Variants in TRIM37 observed in about 807,000 individuals in gnomAD.
The protein encoded by TRIM37 is tripartite motif containing 37, also known as E3 ubiquitin-protein ligase TRIM37.
A neutral mutation model predicts 129.8 loss-of-function variants in TRIM37; 80 were observed. The observed-to-expected ratio is 0.62, with a 90% CI of 0.51 to 0.74. The LOEUF is 0.74. Ranked by LOEUF, TRIM37 falls within the 30% of genes least tolerant of loss-of-function variation. The pLI is 0.00. For synonymous variants in TRIM37, 389 were observed against 387.1 expected, an observed-to-expected ratio of 1.00 and a Z score of -0.06; for missense variants, 1,054 against 1,176.5, an observed-to-expected ratio of 0.90 and a Z score of 1.52.
At chr17:59,102,763 T>C (rs1481429088) in intron 2 of TRIM37, among the ~76,000 whole-genome samples, 1 of 152,224 alleles carries the variant, frequency 6.6e-6, no homozygotes, top group Non-Finnish European at 1.5e-5. Context: ...TGGGTTCAAA[T>C]CCAGTACCAT....
chr17:58,993,634 AG>A (rs1423689276), downstream of TRIM37, among the ~76,000 whole-genome samples: 4 of 152,170 alleles, frequency 2.6e-5, no homozygotes, highest in Non-Finnish European at 4.4e-5. Context: ...GCTGTGGGGA[AG>A]GGGGGTGGTT....
Position 59,081,159 on chromosome 17 carries a change from T to C in TRIM37, c.430A>G (p.Asn144Asp). The C allele has an allele frequency of 6.2e-7, 1 of 1,614,018 alleles. No homozygotes were observed. The highest frequency in any genetic ancestry group is 8.5e-7 in the Non-Finnish European group (1 of 1,179,924). The change falls in exon 6 of 24, where the codon AAT becomes GAT. Residue 144 changes from asparagine (N) to aspartate (D), a missense_variant. By Grantham distance (23) the Asn-to-Asp change is conservative. Coordinates refer to ENST00000262294, the MANE Select transcript of TRIM37 (RefSeq NM_015294.6). Reference protein sequence around the residue: ...EIYEQHVTKVNEEVAKLRRRL... With the variant: ...EIYEQHVTKVDEEVAKLRRRL... ...CGACGAAGTTTGGCTACCTCTTCAT[T>C]CACTTTAGTGACGTGTTGCTCATAA...
intron 21 of TRIM37, among the ~76,000 whole-genome samples, chr17:59,015,176 G>C (rs1485580246): frequency 1.3e-5 from 2 of 151,722 alleles, no homozygotes; most frequent in East Asian, 3.9e-4. Flanking sequence ...AGTGGCTCAC[G>C]CCTGTAATCC....
At chr17:59,017,227 C>G (rs562665977) in intron 20 of TRIM37, 69 bp downstream of exon 20, 47 of 1,580,808 alleles carry the variant, frequency 3.0e-5, no homozygotes, top group Non-Finnish European at 3.8e-5. Context: ...TAAAGCTCCA[C>G]GATAACATCA....
At chr17:59,027,761 T>C (rs2037400635) in intron 19 of TRIM37, among the ~76,000 whole-genome samples, 1 of 152,214 alleles carries the variant, frequency 6.6e-6, no homozygotes, top group South Asian at 2.1e-4. Flanking sequence ...CGAACTCCTT[T>C]TTGAGGTTTT....
chr17:58,980,534 A>C, downstream of TRIM37: 8 of 1,614,146 alleles, frequency 5.0e-6, no homozygotes, highest in Non-Finnish European at 6.8e-6. The surrounding 1 kb of genome is among the most constrained non-coding windows in gnomAD (Gnocchi z 4.7). Flanking sequence ...ACCAGTTGAG[A>C]TGTTTGGTCC....
chr17:59,106,324 C>A (rs1198709236), intron 1 of TRIM37, 117 bp downstream of exon 1: 1 of 1,221,700 alleles, frequency 8.2e-7, no homozygotes, highest in Non-Finnish European at 1.2e-6. Flanking sequence ...CTCTCCACAG[C>A]GGCAGGGGCG....
intron 15 of TRIM37, 93 bp from the exon 16 acceptor site, chr17:59,047,912 A>C: frequency 6.7e-7 from 1 of 1,491,786 alleles, no homozygotes; most frequent in Non-Finnish European, 9.3e-7. Context: ...ACCAAAGAAT[A>C]ATACAGTTTT....
intron 9 of TRIM37, 143 bp downstream of exon 9, chr17:59,070,680 C>T: frequency 1.1e-6 from 1 of 913,692 alleles, no homozygotes; most frequent in South Asian, 1.7e-5. Flanking sequence ...AGTTTGAGAC[C>T]AGCCTGGGCA....
chr17:59,083,483 T>C (rs891088394), intron 5 of TRIM37, among the ~76,000 whole-genome samples: 2 of 148,834 alleles, frequency 1.3e-5, no homozygotes, highest in African/African-American at 4.9e-5. Context: ...GACTTTAAAA[T>C]AAAAAAGCTG....
chr17:58,997,265 AT>A, downstream of TRIM37, among the ~76,000 whole-genome samples: 1 of 152,290 alleles, frequency 6.6e-6, no homozygotes, highest in East Asian at 1.9e-4. Context: ...CTCTTGCACA[AT>A]TTTTTCAACT....
the TRIM37 span, among the ~76,000 whole-genome samples, chr17:58,976,394 G>A: frequency 6.6e-6 from 1 of 152,174 alleles, no homozygotes; most frequent in African/African-American, 2.4e-5. Flanking sequence ...AGTAGCTTAA[G>A]TGGATGAGGG....
At chr17:58,971,821 T>C in the TRIM37 span, among the ~76,000 whole-genome samples, 1 of 152,254 alleles carries the variant, frequency 6.6e-6, no homozygotes, top group Non-Finnish European at 1.5e-5. Flanking sequence ...TTCTGTCTTA[T>C]ATACTAATAG....
At chr17:59,070,738 T>TAA (rs200622963) in intron 9 of TRIM37, 85 bp downstream of exon 9, 1,036 of 1,166,088 alleles carry the variant, frequency 8.9e-4, no homozygotes, top group East Asian at 1.7e-3. Flanking sequence ...GAGATGGCAT[T>TAA]AAAAAAAAAA....
rs2145141407 is a variant in TRIM37, at chr17:59,017,319, C to T, written c.2363G>A (p.Gly788Glu). The T allele has an allele frequency of 3.7e-6, 6 of 1,614,164 alleles. No individual in the cohort carries two copies. The highest frequency in any genetic ancestry group is 5.1e-6 in the Non-Finnish European group (6 of 1,180,010). The change falls in exon 20 of 24, where the codon GGA becomes GAA. Residue 788 changes from glycine to glutamate, a missense_variant. This residue lies in a region of TRIM37 where 287 missense variants were observed against 274.3 expected (regional missense o/e 1.05). Coordinates refer to ENST00000262294, the MANE Select transcript of TRIM37 (RefSeq NM_015294.6). ...VDPGENSRSK[G>E]DCQTLSEGSP... is the part of the protein sequence containing the mutation. ...ACCTTCAGACAGAGTCTGACAGTCT[C>T]CCTTTGAACGACTATTTTCTCCAGG...
rs772049325 is a variant in TRIM37, at chr17:59,069,058, T to C, written c.809+1765A>G. On this transcript the variant is annotated intron_variant, in intron 9 of 23. Transcript: ENST00000262294. ...GCTTATATGATATACTCTAGTACAA[T>C]GAATGCGGCCAGGCATGGTGGCTCA... Among the ~76,000 whole-genome samples, 174 of 152,246 alleles carry C rather than the reference T, an allele frequency of 1.1e-3. 1 individual carries two copies. The highest frequency in any genetic ancestry group is 1.8e-3 in the Admixed American group (28 of 15,294).
downstream of TRIM37, among the ~76,000 whole-genome samples, chr17:58,979,593 A>G (rs1174490551): frequency 6.6e-6 from 1 of 152,210 alleles, no homozygotes; most frequent in Non-Finnish European, 1.5e-5. Context: ...ACCACCTGCA[A>G]AAGAACAGAT....
At chr17:59,039,542 C>T (rs1205205224) in intron 17 of TRIM37, among the ~76,000 whole-genome samples, 1 of 151,958 alleles carries the variant, frequency 6.6e-6, no homozygotes, top group Admixed American at 6.6e-5. Flanking sequence ...AGAGGGGGTT[C>T]CATCATGTTA....
Position 59,001,580 on chromosome 17 carries a change from T to C in TRIM37, c.2812+18A>G. 6.2e-7 allele frequency: 1 copy of C among 1,613,640 alleles called. No homozygotes were observed. The highest frequency in any genetic ancestry group is 1.7e-4 in the Middle Eastern group (1 of 6,050). The stretch of plus-strand genomic sequence containing the variant: ...GGTGGTTTTAGTAATCTGTGTAAAA[T>C]GACATCATGTGCTGCACCTTCATCC... On this transcript the variant is annotated intron_variant, in intron 23 of 23. Coordinates refer to ENST00000262294, the MANE Select transcript of TRIM37 (RefSeq NM_015294.6).
Sources: allele counts gnomAD v4.1 joint callset (sites outside exome capture counted in the v4.1 genomes callset), GRCh38; gene constraint gnomAD v4.1.1; regional missense constraint gnomAD v4.1.1; non-coding constraint Gnocchi (gnomAD v3.1); transcripts MANE v1.5; gene names NCBI Gene and HGNC (gene_info 2026-07-23, HGNC 2026-07-21).